ZFHX3: variants seen among roughly 807,000 people sequenced by gnomAD.
ZFHX3 encodes zinc finger homeobox 3.
ZFHX3 carries 42 observed loss-of-function variants against 279.1 expected under a neutral mutation model. The observed-to-expected ratio is 0.15, with a 90% CI of 0.12 to 0.19. ZFHX3 has a LOEUF of 0.19. Among genes scored for constraint, ZFHX3 ranks in the 10% least tolerant of loss-of-function variants. The pLI is 1.00. For synonymous variants in ZFHX3, 2,293 were observed against 1,957.8 expected (o/e 1.17, Z -4.52); for missense variants, 4,981 against 4,754.0 (o/e 1.05, Z -1.40).
chr16:73,396,351 C>T (rs1349699474), intron 3 of ZFHX3, among the ~76,000 whole-genome samples: 1 of 152,234 alleles, frequency 6.6e-6, no homozygotes, highest in Non-Finnish European at 1.5e-5. Context: ...ACCCTCCTAA[C>T]CTCCTTCTGC....
rs376295479 is a variant in ZFHX3, at chr16:72,892,100, G to A, written c.3217-2138C>T. Among the ~76,000 whole-genome samples the A allele has an allele frequency of 5.8e-4, 89 of 152,304 alleles. No homozygotes were observed. The Middle Eastern group carries it at 0.02, about 35-fold the overall frequency. On this transcript the variant is annotated intron_variant, in intron 3 of 9. Coordinates refer to ENST00000268489, the MANE Select transcript of ZFHX3 (RefSeq NM_006885.4). ...GACGCTCACGTACTGACATGCACACGTCCTGTGTTCACTGATCACGTGTGA... is the reference window on the plus strand; with the variant it reads ...GACGCTCACGTACTGACATGCACACATCCTGTGTTCACTGATCACGTGTGA...
chr16:72,945,764 A>G (rs987051061), intron 3 of ZFHX3, among the ~76,000 whole-genome samples: 2 of 152,084 alleles, frequency 1.3e-5, no homozygotes, highest in Admixed American at 1.3e-4. Context: ...CGGAGCTTCA[A>G]ACACACAGCC....
chr16:73,815,957 G>A (rs567527663), intron 1 of ZFHX3: 5 of 152,314 alleles, frequency 3.3e-5, no homozygotes, highest in Admixed American at 6.5e-5. Flanking sequence ...CTTAGGGAAA[G>A]CTACGACTTT....
intron 4 of ZFHX3, among the ~76,000 whole-genome samples, chr16:72,842,839 T>C (rs1033169376): frequency 6.6e-6 from 1 of 151,980 alleles, no homozygotes; most frequent in African/African-American, 2.4e-5. Context: ...TCCAGGAGAA[T>C]GGAAATTAAG....
chr16:73,688,156 A>G (rs1335675969), intron 1 of ZFHX3, among the ~76,000 whole-genome samples: 1 of 151,968 alleles, frequency 6.6e-6, no homozygotes, highest in African/African-American at 2.4e-5. Context: ...CAGAAGTTCA[A>G]GATTAGCCTG....
intron 4 of ZFHX3, among the ~76,000 whole-genome samples, chr16:73,288,918 C>T (rs1189131745): frequency 6.6e-6 from 1 of 150,462 alleles, no homozygotes; most frequent in Non-Finnish European, 1.5e-5. Flanking sequence ...AGCAAGACTG[C>T]TATTATCTTC....
chr16:73,009,737 G>C (rs1351001867), intron 1 of ZFHX3, among the ~76,000 whole-genome samples: 1 of 152,038 alleles, frequency 6.6e-6, no homozygotes, highest in East Asian at 1.9e-4. Context: ...AACTCACAAA[G>C]GGGCCAGTCA....
Position 73,326,483 on chromosome 16 carries a change from C to T in ZFHX3, c.-1290-8147G>A, listed in dbSNP as rs191330882. 8.5e-5 allele frequency among the ~76,000 whole-genome samples: 13 copies of T among 152,224 alleles called. No homozygotes were observed. The East Asian group carries it at 1.7e-3, about 20-fold the overall frequency. On this transcript the variant is annotated intron_variant, in intron 3 of 17. Transcript: ENST00000641206. ...ACAAAGAGGACGAACCTTAAAAACACGATCCTAAGTGAAAGAAGCCAGACA... is the reference window on the plus strand; with the variant it reads ...ACAAAGAGGACGAACCTTAAAAACATGATCCTAAGTGAAAGAAGCCAGACA...
At chr16:73,678,960 C>A (rs1364827196) in intron 2 of ZFHX3, among the ~76,000 whole-genome samples, 2 of 152,252 alleles carry the variant, frequency 1.3e-5, no homozygotes, top group African/African-American at 4.8e-5. Flanking sequence ...ACCAGATGAC[C>A]AAGAATCACC....
intron 2 of ZFHX3, among the ~76,000 whole-genome samples, chr16:73,510,467 A>G (rs187157631): frequency 1.3e-5 from 2 of 152,330 alleles, no homozygotes; most frequent in East Asian, 1.9e-4. Flanking sequence ...TATAACATCA[A>G]TCAAATCACA....
rs117084584 is a variant in ZFHX3, at chr16:73,744,029, G to A, written c.-1607-63789C>T. 7.6e-3 allele frequency among the ~76,000 whole-genome samples: 1,159 copies of A among 151,972 alleles called. 43 individuals are homozygous for A. The highest frequency in any genetic ancestry group is 0.068 in the East Asian group (352 of 5,158). On this transcript the variant is annotated intron_variant, in intron 1 of 17. Transcript: ENST00000641206. ...TCTCCCTCTTTTAATTCCGCAAACCGACCCCCGCCACAGATCCAACAAATC... is the reference window on the plus strand; with the variant it reads ...TCTCCCTCTTTTAATTCCGCAAACCAACCCCCGCCACAGATCCAACAAATC...
intron 1 of ZFHX3, among the ~76,000 whole-genome samples, chr16:72,991,004 A>AG (rs1388091866): frequency 5.9e-5 from 9 of 152,156 alleles, no homozygotes; most frequent in African/African-American, 1.9e-4. Context: ...AAAAAAAAAA[A>AG]AGAGAGAGAA....
chr16:73,198,082 C>G (rs1230781748), intron 5 of ZFHX3, among the ~76,000 whole-genome samples: 12 of 151,526 alleles, frequency 7.9e-5, no homozygotes, highest in Admixed American at 7.9e-4. Flanking sequence ...GGACTACAGG[C>G]GCGTGCTGCC....
chr16:73,726,677 G>A (rs1012716224), intron 1 of ZFHX3, among the ~76,000 whole-genome samples: 7 of 152,124 alleles, frequency 4.6e-5, no homozygotes, highest in Non-Finnish European at 1.0e-4. Context: ...GCAGGAGCTG[G>A]CCCATCACAC....
rs191741829 is a variant in ZFHX3, at chr16:72,958,419, C to T, written c.1727G>A (p.Gly576Asp). ...RRNRLSFNSEGVRANVAEGGR... is the reference protein window; with the variant it reads ...RRNRLSFNSEDVRANVAEGGR... ...GCCCTCTGCCACATTGGCCCTGACG[C>T]CCTCACTGTTAAAGCTTAAACGATT... is the stretch of plus-strand genomic sequence containing the variant. The change falls in exon 2 of 10, where the codon GGC (glycine) becomes GAC (aspartate). Residue 576 changes from glycine to aspartate, a missense_variant. Physicochemically the swap from Gly to Asp is moderately conservative, Grantham distance 94. Transcript: ENST00000268489. 1 of 1,614,086 alleles carries T rather than the reference C, an allele frequency of 6.2e-7. No individual in the cohort carries two copies. The highest frequency in any genetic ancestry group is 1.1e-5 in the South Asian group (1 of 91,088).
intron 4 of ZFHX3, among the ~76,000 whole-genome samples, chr16:72,874,771 G>C (rs1012542301): frequency 2.6e-5 from 4 of 152,132 alleles, no homozygotes; most frequent in Admixed American, 2.6e-4. Flanking sequence ...TGGCATTGCC[G>C]GCGTAAGCCA....
intron 5 of ZFHX3, among the ~76,000 whole-genome samples, chr16:73,183,456 C>T (rs1967845196): frequency 1.3e-5 from 2 of 152,198 alleles, no homozygotes; most frequent in Admixed American, 1.3e-4. Flanking sequence ...CCTTTTGCAA[C>T]TGGATTACTG....
At chr16:73,325,182 G>A (rs893700025) in intron 3 of ZFHX3, among the ~76,000 whole-genome samples, 1 of 152,124 alleles carries the variant, frequency 6.6e-6, no homozygotes, top group Admixed American at 6.5e-5. Flanking sequence ...GTCCAGGATG[G>A]TGCCATGAGG....
intron 4 of ZFHX3, among the ~76,000 whole-genome samples, chr16:73,298,826 G>T (rs1054964246): frequency 6.6e-6 from 1 of 152,172 alleles, no homozygotes; most frequent in Non-Finnish European, 1.5e-5. Flanking sequence ...AATTTGTTTC[G>T]TTACTGATAG....
Sources: allele counts gnomAD v4.1 joint callset (sites outside exome capture counted in the v4.1 genomes callset), GRCh38; gene constraint gnomAD v4.1.1; transcripts MANE v1.5; gene names NCBI Gene and HGNC (gene_info 2026-07-23, HGNC 2026-07-21).